The following FOXD4L4 variants were observed in gnomAD, a reference collection of about 807,000 sequenced individuals.
The protein encoded by FOXD4L4 is forkhead box D4 like 4.
In FOXD4L4, 5 loss-of-function variants were observed where a neutral mutation model predicts 24.1. That is an observed-to-expected ratio of 0.21 (90% confidence interval 0.11 to 0.44). The LOEUF (loss-of-function observed/expected upper bound fraction) is 0.44, where lower values mean the gene tolerates loss of function less well. FOXD4L4 is among the 20% of genes least tolerant of loss of function. The probability of loss-of-function intolerance (pLI) is 0.99; values close to 1 mark genes in which losing one functional copy is unlikely to be tolerated. For synonymous variants in FOXD4L4, 71 were observed against 276.2 expected, an observed-to-expected ratio of 0.26 and a Z score of 7.37; for missense variants, 128 against 617.5, an observed-to-expected ratio of 0.21 and a Z score of 8.40.
At chr9:65,737,469 G>GC in the FOXD4L4 span, 4 of 1,610,200 alleles carry the variant, frequency 2.5e-6, no homozygotes, top group East Asian at 8.9e-5. Flanking sequence ...AGCCGGCAAA[G>GC]CCCCCCTACT....
chr9:65,738,135 A>G, exon 1 of FOXD4L4: 1 of 1,602,896 alleles, frequency 6.2e-7, no homozygotes, highest in Non-Finnish European at 8.5e-7. Flanking sequence ...TGAGAGTATT[A>G]TGCAAGGGGT....
exon 1 of FOXD4L4, chr9:65,737,371 G>C: frequency 6.2e-7 from 1 of 1,611,336 alleles, no homozygotes. Flanking sequence ...GCACATCGAG[G>C]GCGGCGGCGG....
At chr9:65,737,504 C>A (rs1832983954) in exon 1 of FOXD4L4, 1 of 1,611,046 alleles carries the variant, frequency 6.2e-7, no homozygotes, top group Non-Finnish European at 8.5e-7. Context: ...ATCACCATGG[C>A]CATCCTGCAA....
chr9:65,738,090 T>A, exon 1 of FOXD4L4: 1 of 1,604,380 alleles, frequency 6.2e-7, no homozygotes, highest in Non-Finnish European at 8.5e-7. Flanking sequence ...GGGTCTGGCG[T>A]CGCCACCGGG....
rs1444676841 is a variant in FOXD4L4 at position 65,737,982 on chromosome 9, C to T, written c.837C>T (p.Ala279=). The change falls in exon 1 of 1, where the codon GCC becomes GCT. Residue 279 remains alanine (A), a synonymous_variant. Coordinates refer to ENST00000377413, the Ensembl canonical transcript of FOXD4L4. The stretch of plus-strand genomic sequence containing the variant: ...TACTGCTCTCGGCCCGCGTCTATGC[C>T]GGGGCACCGAAGAAAGCAGAAGGCG... 7.5e-6 allele frequency: 12 copies of T among 1,602,536 alleles called. No homozygotes were observed. The African/African-American group carries it at 8.3e-5, about 11-fold the overall frequency.
exon 1 of FOXD4L4, chr9:65,737,351 T>C (rs1832979896): frequency 6.2e-7 from 1 of 1,612,276 alleles, no homozygotes; most frequent in Non-Finnish European, 8.5e-7. Flanking sequence ...GGGGTTGCGC[T>C]TCCCCGAGAG....
chr9:65,738,148 G>C, exon 1 of FOXD4L4: 1 of 1,602,728 alleles, frequency 6.2e-7, no homozygotes. Flanking sequence ...CAAGGGGTCA[G>C]GGGAGCGGGT....
exon 1 of FOXD4L4, chr9:65,738,170 G>T: frequency 1.2e-6 from 2 of 1,601,892 alleles, no homozygotes; most frequent in Non-Finnish European, 8.5e-7. Flanking sequence ...CAGGGGCTGC[G>T]CAGAGTTTGT....
chr9:65,737,385 G>T (rs1192499545), exon 1 of FOXD4L4: 29 of 1,608,650 alleles, frequency 1.8e-5, no homozygotes, highest in Non-Finnish European at 2.3e-5. Context: ...GCGGCGGCCC[G>T]AGTGACCCTT....
Sources: allele counts gnomAD v4.1 joint callset, GRCh38; gene constraint gnomAD v4.1.1; transcripts MANE v1.5; gene names NCBI Gene and HGNC (gene_info 2026-07-23, HGNC 2026-07-21).